KLHL15: variants seen among roughly 807,000 people sequenced by gnomAD.
KLHL15 encodes the protein kelch like family member 15.
Under a neutral mutation model 29.3 loss-of-function variants are expected in KLHL15, and 1 was observed. The observed-to-expected ratio is 0.03, with a 90% CI of 0.01 to 0.16. KLHL15 has a LOEUF of 0.16. Ranked by LOEUF, KLHL15 falls within the 10% of genes least tolerant of loss-of-function variation. The probability of loss-of-function intolerance (pLI) is 1.00; values close to 1 mark genes in which losing one functional copy is unlikely to be tolerated. For missense variants in KLHL15, 215 were observed against 478.5 expected, an observed-to-expected ratio of 0.45 and a Z score of 5.14; for synonymous variants, 212 against 184.5, an observed-to-expected ratio of 1.15 and a Z score of -1.21.
chrX:23,997,754 A>ATAAAT (rs1929222684), intron 3 of KLHL15, among the ~76,000 whole-genome samples: 1 of 67,178 alleles, frequency 1.5e-5, no homozygotes, highest in African/African-American at 9.0e-5. Flanking sequence ...AAAAAAAAAA[A>ATAAAT]TTTTTTTTTT....
chrX:23,997,721 ACT>A (rs1317900286), intron 3 of KLHL15, among the ~76,000 whole-genome samples: 1 of 67,517 alleles, frequency 1.5e-5, no homozygotes, highest in Non-Finnish European at 2.5e-5. Context: ...ACAGAGTGAG[ACT>A]CTGTCTCAAA....
At chrX:24,019,267 T>C (rs1312441782) in intron 2 of KLHL15, among the ~76,000 whole-genome samples, 1 of 111,970 alleles carries the variant, frequency 8.9e-6, no homozygotes, top group African/African-American at 3.2e-5. Flanking sequence ...TTAATTTTTA[T>C]TTGTTTATTT....
chrX:24,002,469 T>C (rs1929348110), intron 3 of KLHL15, among the ~76,000 whole-genome samples: 1 of 112,353 alleles, frequency 8.9e-6, no homozygotes, highest in South Asian at 3.6e-4. Flanking sequence ...TAAATAACTA[T>C]GTCAGAAGGA....
intron 3 of KLHL15, among the ~76,000 whole-genome samples, chrX:24,003,612 G>A (rs186821451): frequency 1.9e-3 from 202 of 105,823 alleles, no homozygotes; most frequent in South Asian, 3.1e-3. Context: ...TATATGTACG[G>A]TAAGAGCACT....
intron 3 of KLHL15, among the ~76,000 whole-genome samples, chrX:23,991,570 G>T (rs977284247): frequency 9.0e-6 from 1 of 111,240 alleles, no homozygotes; most frequent in African/African-American, 3.3e-5. Flanking sequence ...GGCTGGGCGC[G>T]GTGGCTCATG....
intron 3 of KLHL15, among the ~76,000 whole-genome samples, chrX:24,005,634 C>T (rs749985647): frequency 8.9e-6 from 1 of 111,855 alleles, no homozygotes; most frequent in African/African-American, 3.2e-5. Context: ...AGAGATCTAG[C>T]CTGACTCGGT....
intron 2 of KLHL15, among the ~76,000 whole-genome samples, chrX:24,012,644 T>C (rs781251220): frequency 5.4e-5 from 6 of 112,088 alleles, no homozygotes; most frequent in African/African-American, 1.9e-4. Flanking sequence ...CTCCAGTCCA[T>C]ATATATGTGT....
chrX:24,013,368 T>G (rs1442548688), intron 2 of KLHL15, among the ~76,000 whole-genome samples: 1 of 111,283 alleles, frequency 9.0e-6, no homozygotes. Context: ...GTTCAAGTGA[T>G]TCTCCTACCT....
chrX:23,989,070 C>A (rs1351174601), intron 3 of KLHL15, 40 bp from the exon 4 acceptor site: 1 of 1,084,753 alleles, frequency 9.2e-7, no homozygotes, highest in East Asian at 3.0e-5. Context: ...AAGGAAAAAG[C>A]ATCAGCTGCA....
Position 24,006,171 on chromosome X carries a change from G to C in KLHL15, c.523C>G (p.Leu175Val), listed in dbSNP as rs1459413363. 5.0e-6 allele frequency: 6 copies of C among 1,211,748 alleles called. No individual in the cohort carries two copies. Among genetic ancestry groups the C allele is most frequent in the Non-Finnish European group, 6.7e-6 (6 of 895,492 alleles). Residue 175 changes from leucine (L) to valine (V), a missense_variant, in exon 3 of 4, where the codon CTG (leucine) becomes GTG (valine). Transcript: ENST00000328046. ...LMSRPDFLSY[L>V]SFEKLMSYLD... ...TAAGACATGAGCTTCTCAAAGCTCA[G>C]ATAGGACAGAAAGTCAGGCCTAGAC...
chrX:24,014,655 C>T (rs1929640445), intron 2 of KLHL15, among the ~76,000 whole-genome samples: 1 of 111,073 alleles, frequency 9.0e-6, no homozygotes. Context: ...AGTCAGAAGA[C>T]CCCAAAGACA....
intron 2 of KLHL15, among the ~76,000 whole-genome samples, chrX:24,013,657 T>C (rs1319512277): frequency 3.6e-5 from 4 of 111,441 alleles, no homozygotes; most frequent in African/African-American, 1.3e-4. Flanking sequence ...TACAGTGTAG[T>C]GTTTGAATAA....
At chrX:24,023,663 T>C (rs1569271333) in intron 2 of KLHL15, among the ~76,000 whole-genome samples, 1 of 112,161 alleles carries the variant, frequency 8.9e-6, no homozygotes, top group African/African-American at 3.2e-5. Flanking sequence ...ACCACAAATA[T>C]TTACTATCCT....
intron 3 of KLHL15, among the ~76,000 whole-genome samples, chrX:23,997,044 CAAGCAGGCAAA>C (rs1265396831): frequency 8.9e-6 from 1 of 111,839 alleles, no homozygotes; most frequent in Admixed American, 9.5e-5. Flanking sequence ...CTCTTCTCTC[CAAGCAGGCAAA>C]GTCAAAAATG....
intron 3 of KLHL15, among the ~76,000 whole-genome samples, chrX:23,995,044 G>A (rs192575957): frequency 9.0e-6 from 1 of 111,224 alleles, no homozygotes; most frequent in African/African-American, 3.3e-5. Flanking sequence ...GTATGATATA[G>A]CTGACAATGA....
At chrX:24,004,148 G>A (rs1256521618) in intron 3 of KLHL15, among the ~76,000 whole-genome samples, 1 of 110,706 alleles carries the variant, frequency 9.0e-6, no homozygotes, top group Non-Finnish European at 1.9e-5. Context: ...ACACTATTAA[G>A]TCACTGTTCA....
chrX:23,989,506 G>A (rs1249832687), intron 3 of KLHL15, among the ~76,000 whole-genome samples: 1 of 111,261 alleles, frequency 9.0e-6, no homozygotes, highest in Non-Finnish European at 1.9e-5. Context: ...AATGATCTAT[G>A]TACATTCCCA....
At chrX:23,995,189 C>T (rs958232949) in intron 3 of KLHL15, among the ~76,000 whole-genome samples, 1 of 111,297 alleles carries the variant, frequency 9.0e-6, no homozygotes, top group East Asian at 2.8e-4. Context: ...GCAAATATTT[C>T]ATGTTTCTCC....
At chrX:24,017,211 CAAAAAA>C (rs781366129) in intron 2 of KLHL15, among the ~76,000 whole-genome samples, 1 of 43,101 alleles carries the variant, frequency 2.3e-5, no homozygotes, top group Non-Finnish European at 5.2e-5. Flanking sequence ...GAGCCTGTCT[CAAAAAA>C]AAAAAAAAAA....
Sources: allele counts gnomAD v4.1 joint callset (sites outside exome capture counted in the v4.1 genomes callset), GRCh38; gene constraint gnomAD v4.1.1; transcripts MANE v1.5; gene names NCBI Gene and HGNC (gene_info 2026-07-23, HGNC 2026-07-21).